Variants in ANXA10 observed in about 807,000 individuals in gnomAD.
The protein encoded by ANXA10 is annexin 14.
A neutral mutation model predicts 53.5 loss-of-function variants in ANXA10; 49 were observed. That is an observed-to-expected ratio of 0.92 (90% CI 0.73 to 1.16). The LOEUF is 1.16. Among genes scored for constraint, ANXA10 ranks in the 50% most tolerant of loss-of-function variants. The probability of loss-of-function intolerance (pLI) is 0.00; values close to 1 mark genes in which losing one functional copy is unlikely to be tolerated. For missense variants in ANXA10, 393 were observed against 394.4 expected, an observed-to-expected ratio of 1.00 and a Z score of 0.03; for synonymous variants, 131 against 128.9, an observed-to-expected ratio of 1.02 and a Z score of -0.11.
At chr4:168,104,848 A>T (rs1415640525) in intron 1 of ANXA10, among the ~76,000 whole-genome samples, 1 of 150,500 alleles carries the variant, frequency 6.6e-6, no homozygotes, top group Non-Finnish European at 1.5e-5. Flanking sequence ...TCTTGTCTTT[A>T]TTACCTCCTA....
chr4:168,146,460 T>C (rs761817988), intron 3 of ANXA10, among the ~76,000 whole-genome samples: 3 of 152,218 alleles, frequency 2.0e-5, no homozygotes, highest in African/African-American at 4.8e-5. Context: ...GAATTGTGAT[T>C]TCCTTTGCCA....
chr4:168,170,030 T>C (rs1007357177), intron 6 of ANXA10, among the ~76,000 whole-genome samples: 5 of 152,320 alleles, frequency 3.3e-5, no homozygotes, highest in East Asian at 1.9e-4. Context: ...AATAGGGCAA[T>C]CAATTTTATT....
chr4:168,122,026 A>G (rs1054603043), intron 1 of ANXA10, among the ~76,000 whole-genome samples: 3 of 151,690 alleles, frequency 2.0e-5, no homozygotes, highest in African/African-American at 7.3e-5. Flanking sequence ...TATTTTTCGT[A>G]CAGATGGCGT....
At chr4:168,147,306 A>G (rs1731421960) in intron 3 of ANXA10, among the ~76,000 whole-genome samples, 1 of 152,188 alleles carries the variant, frequency 6.6e-6, no homozygotes, top group South Asian at 2.1e-4. Flanking sequence ...AGTTTATACA[A>G]GAGTCCAATA....
At chr4:168,093,887 T>C (rs956440468) in intron 1 of ANXA10, among the ~76,000 whole-genome samples, 1 of 152,198 alleles carries the variant, frequency 6.6e-6, no homozygotes, top group Non-Finnish European at 1.5e-5. Context: ...ACAATCTTAA[T>C]TTCATCTTAA....
At chr4:168,094,503 A>C (rs1401635343) in intron 1 of ANXA10, among the ~76,000 whole-genome samples, 1 of 152,126 alleles carries the variant, frequency 6.6e-6, no homozygotes, top group African/African-American at 2.4e-5. Context: ...TTATCTCTTT[A>C]ATCGGATGTT....
chr4:168,117,943 C>T (rs72691166), intron 1 of ANXA10, among the ~76,000 whole-genome samples: 1 of 147,298 alleles, frequency 6.8e-6, no homozygotes, highest in East Asian at 2.0e-4. Flanking sequence ...TCACTCCCTC[C>T]CTCCCTCACA....
Position 168,181,695 on chromosome 4 carries a change from G to C in ANXA10, c.737G>C (p.Arg246Pro). 3 of 1,603,616 alleles carry C rather than the reference G, an allele frequency of 1.9e-6. No homozygotes were observed. Among genetic ancestry groups the C allele is most frequent in the Non-Finnish European group, 8.5e-7 (1 of 1,172,614 alleles). ...ELLVAIVLCV[R>P]DKPAYFAYRL... ...TGATTTCTCCTAGTTCTCTGTGTTC[G>C]AGACAAACCAGCCTATTTTGCTTAT... Residue 246 changes from arginine to proline, a missense_variant, in exon 10 of 12, where the codon CGA (arginine) becomes CCA (proline). Arg to Pro is a moderately radical substitution (Grantham distance 103). Transcript: ENST00000359299.
intron 6 of ANXA10, among the ~76,000 whole-genome samples, chr4:168,176,198 T>C (rs1732124048): frequency 6.6e-6 from 1 of 152,200 alleles, no homozygotes; most frequent in African/African-American, 2.4e-5. Flanking sequence ...GACTATGGAA[T>C]AGCAATTCTT....
chr4:168,163,101 C>A, intron 4 of ANXA10, among the ~76,000 whole-genome samples: 2 of 151,700 alleles, frequency 1.3e-5, no homozygotes, highest in Non-Finnish European at 1.5e-5. Context: ...CTTTTTATGA[C>A]CTGAAGTTCA....
At chr4:168,176,718 G>C (rs1301406140) in intron 6 of ANXA10, among the ~76,000 whole-genome samples, 1 of 152,134 alleles carries the variant, frequency 6.6e-6, no homozygotes, top group Non-Finnish European at 1.5e-5. Context: ...AAAGATGACA[G>C]GACTAGGCAC....
intron 1 of ANXA10, among the ~76,000 whole-genome samples, chr4:168,121,551 TTAA>T (rs1484796382): frequency 6.6e-6 from 1 of 152,084 alleles, no homozygotes; most frequent in African/African-American, 2.4e-5. Context: ...TAATTATCAT[TTAA>T]TAATATCAAA....
rs192980635 is a variant in ANXA10, at chr4:168,148,412, G to C, written c.195+8832G>C. Reference sequence around the variant, plus strand: ...GAATTCCTGACCTTGTGATCCACCCGCCTTGGCCTCCCAAAGTGCTGGGAT... The same window carrying C: ...GAATTCCTGACCTTGTGATCCACCCCCCTTGGCCTCCCAAAGTGCTGGGAT... On this transcript the variant is annotated intron_variant, in intron 3 of 11. Transcript: ENST00000359299. Among the ~76,000 whole-genome samples, 1,046 of 152,152 alleles carry C rather than the reference G, an allele frequency of 6.9e-3. 10 individuals carry two copies. Among genetic ancestry groups the C allele is most frequent in the African/African-American group, 0.024 (977 of 41,510 alleles).
intron 11 of ANXA10, 57 bp downstream of exon 11, chr4:168,184,738 G>C: frequency 6.3e-7 from 1 of 1,594,652 alleles, no homozygotes; most frequent in Non-Finnish European, 8.5e-7. Context: ...TTGAAACTGA[G>C]ATAAAAGTTC....
chr4:168,172,171 T>C (rs1732003556), intron 6 of ANXA10, among the ~76,000 whole-genome samples: 1 of 152,210 alleles, frequency 6.6e-6, no homozygotes, highest in African/African-American at 2.4e-5. Context: ...TCAGGCCCTT[T>C]ACATGACAAA....
In ANXA10 at chr4:168,098,450, T is replaced by C. The variant is rs542831042; in HGVS notation, c.18+5732T>C. Among the ~76,000 whole-genome samples, 6 of 152,246 alleles carry C rather than the reference T, an allele frequency of 3.9e-5. No homozygotes were observed. The South Asian group carries it at 1.2e-3, about 32-fold the overall frequency. Reference sequence around the variant, plus strand: ...ACCCACATCCGACCCTTATCTACCTTAGAGTTCTTCTATCAGTAGAAATTA... The same window carrying C: ...ACCCACATCCGACCCTTATCTACCTCAGAGTTCTTCTATCAGTAGAAATTA... On this transcript the variant is annotated intron_variant, in intron 1 of 11. Transcript: ENST00000359299.
intron 2 of ANXA10, among the ~76,000 whole-genome samples, chr4:168,133,509 T>G (rs965455705): frequency 6.6e-6 from 1 of 151,986 alleles, no homozygotes; most frequent in Non-Finnish European, 1.5e-5. Flanking sequence ...GAAAGCAGTG[T>G]TGGGTGGCAG....
Position 168,136,727 on chromosome 4 carries a change from G to A in ANXA10, c.101-2759G>A, listed in dbSNP as rs1731243631. On this transcript the variant is annotated intron_variant, in intron 2 of 11. Transcript: ENST00000359299. ...CTTTTCCAGGTGCATGGTGCAAGAT[G>A]TCAGTTCATCTACCATTCTAGGATC... Among the ~76,000 whole-genome samples, 3 of 152,284 alleles carry A rather than the reference G, an allele frequency of 2.0e-5. No homozygotes were observed. In the South Asian group the frequency reaches 6.2e-4, roughly 32 times the overall value.
At chr4:168,122,372 G>A (rs1731000874) in intron 1 of ANXA10, among the ~76,000 whole-genome samples, 2 of 152,168 alleles carry the variant, frequency 1.3e-5, no homozygotes, top group South Asian at 4.1e-4. Context: ...AGTAATTTAC[G>A]TTGAAACTCG....
Sources: gnomAD v4.1 joint callset for allele counts (sites outside exome capture counted in the v4.1 genomes callset) on GRCh38, gnomAD v4.1.1 for gene constraint, MANE v1.5 for transcripts, NCBI Gene and HGNC (gene_info 2026-07-23, HGNC 2026-07-21) for gene names.